Variants in OSBPL10 observed in about 807,000 individuals in gnomAD.
The protein encoded by OSBPL10 is oxysterol binding protein like 10, also known as oxysterol-binding protein-related protein 10.
A neutral mutation model predicts 81.7 loss-of-function variants in OSBPL10; 49 were observed. The observed-to-expected ratio is 0.60, with a 90% confidence interval of 0.48 to 0.76. The LOEUF (loss-of-function observed/expected upper bound fraction) is 0.76. Among genes scored for constraint, OSBPL10 ranks in the 30% least tolerant of loss-of-function variants. The probability of loss-of-function intolerance (pLI) is 0.00; values close to 1 mark genes in which losing one functional copy is unlikely to be tolerated. For missense variants in OSBPL10, 923 were observed against 987.8 expected (o/e 0.93, Z 0.88); for synonymous variants, 419 against 383.6 (o/e 1.09, Z -1.08).
chr3:31,846,703 CAT>C (rs2125566053), intron 3 of OSBPL10, among the ~76,000 whole-genome samples: 1 of 152,270 alleles, frequency 6.6e-6, no homozygotes, highest in South Asian at 2.1e-4. Context: ...CTAGTGGCCA[CAT>C]ATAAACATAT....
chr3:31,694,897 G>A lies in OSBPL10; in HGVS notation c.1245+7462C>T, dbSNP rs987708032. 4.6e-5 allele frequency among the ~76,000 whole-genome samples: 7 copies of A among 152,288 alleles called. 2 individuals are homozygous for A. Among genetic ancestry groups the A allele is most frequent in the Admixed American group, 2.0e-4 (3 of 15,298 alleles). On this transcript the variant is annotated intron_variant, in intron 7 of 11. Transcript: ENST00000396556. ...AGCCTCCCAAGTAGCTGGGATTACA[G>A]GCATGTGCCACCATGCCCAGCTAAT...
At chr3:31,749,444 T>C (rs1697646293) in intron 4 of OSBPL10, among the ~76,000 whole-genome samples, 2 of 152,256 alleles carry the variant, frequency 1.3e-5, no homozygotes, top group Non-Finnish European at 1.5e-5. Context: ...AGGATCTACC[T>C]AGCCATTCTG....
chr3:31,938,579 G>T (rs1697447908), intron 1 of OSBPL10, among the ~76,000 whole-genome samples: 1 of 152,080 alleles, frequency 6.6e-6, no homozygotes. Context: ...TGCGATCATG[G>T]CTCACTGCAG....
intron 4 of OSBPL10, among the ~76,000 whole-genome samples, chr3:31,813,925 A>C (rs1224274396): frequency 6.6e-6 from 1 of 152,248 alleles, no homozygotes; most frequent in African/African-American, 2.4e-5. Context: ...GTCCACGTGA[A>C]GAACCACACA....
chr3:31,677,647 G>A (rs908068975), intron 8 of OSBPL10, among the ~76,000 whole-genome samples: 16 of 152,130 alleles, frequency 1.1e-4, no homozygotes, highest in African/African-American at 1.9e-4. Context: ...TCTCACCCAC[G>A]ACACTGTGGT....
intron 1 of OSBPL10, among the ~76,000 whole-genome samples, chr3:31,919,154 T>C (rs1696841411): frequency 6.6e-6 from 1 of 152,234 alleles, no homozygotes; most frequent in Admixed American, 6.5e-5. Context: ...TGTGTCCTCC[T>C]GCCCTCAGGT....
chr3:31,741,771 T>A (rs970437318), intron 5 of OSBPL10, among the ~76,000 whole-genome samples: 1 of 152,224 alleles, frequency 6.6e-6, no homozygotes, highest in Non-Finnish European at 1.5e-5. Flanking sequence ...TCACATGTTG[T>A]GGGAGAGACC....
chr3:31,672,085 AC>A (rs11335502), intron 8 of OSBPL10, among the ~76,000 whole-genome samples: 74,553 of 151,480 alleles, frequency 0.49, 21,139 homozygotes, highest in African/African-American at 0.78. Context: ...GTGGTTAGCG[AC>A]CGGCACCTTC....
chr3:32,013,751 G>T (rs954366506), intron 2 of OSBPL10, among the ~76,000 whole-genome samples: 2 of 152,164 alleles, frequency 1.3e-5, no homozygotes, highest in East Asian at 3.8e-4. Context: ...AATAAAAAAT[G>T]ATAAAGTGGA....
At position 31,786,846 on chromosome 3, in the gene OSBPL10, A is replaced by G. The variant is rs368792852; in HGVS notation, c.730-38726T>C. The stretch of plus-strand genomic sequence containing the variant: ...AGGTAACTCTCAGTTACTACGAGCT[A>G]GACTTTTGTAGATATGAGCAGCATG... On this transcript the variant is annotated intron_variant, in intron 4 of 11. Coordinates refer to ENST00000396556, the MANE Select transcript of OSBPL10 (RefSeq NM_017784.5). 2.6e-4 allele frequency among the ~76,000 whole-genome samples: 39 copies of G among 152,330 alleles called. No homozygotes were observed. The South Asian group carries it at 6.2e-3, about 24-fold the overall frequency.
intron 1 of OSBPL10, among the ~76,000 whole-genome samples, chr3:31,942,919 T>C (rs1697579128): frequency 6.6e-6 from 1 of 152,244 alleles, no homozygotes; most frequent in East Asian, 1.9e-4. Context: ...GTATTCACAA[T>C]TGTTATGCAA....
chr3:31,816,239 T>TATGAC (rs1236211339), intron 4 of OSBPL10, among the ~76,000 whole-genome samples: 6 of 152,196 alleles, frequency 3.9e-5, no homozygotes, highest in African/African-American at 1.4e-4. Flanking sequence ...GGTGAATTCC[T>TATGAC]ATGACAACTG....
chr3:31,980,816 C>G, intron 1 of OSBPL10, 83 bp downstream of exon 1: 1 of 1,416,666 alleles, frequency 7.1e-7, no homozygotes, highest in Non-Finnish European at 9.2e-7. Flanking sequence ...CACACACATA[C>G]ACAGACACAC....
chr3:31,722,127 A>C (rs1231915782), intron 6 of OSBPL10, among the ~76,000 whole-genome samples: 1 of 152,150 alleles, frequency 6.6e-6, no homozygotes, highest in Non-Finnish European at 1.5e-5. Flanking sequence ...CACCCCCTCA[A>C]AATACCCTTG....
At chr3:31,698,345 G>A (rs1472811442) in intron 7 of OSBPL10, among the ~76,000 whole-genome samples, 2 of 152,024 alleles carry the variant, frequency 1.3e-5, no homozygotes, top group Non-Finnish European at 2.9e-5. Flanking sequence ...CAGCTATTTG[G>A]GAGGCTGAGG....
At chr3:31,717,926 T>TG (rs1559431570) in intron 6 of OSBPL10, among the ~76,000 whole-genome samples, 1 of 152,226 alleles carries the variant, frequency 6.6e-6, no homozygotes, top group African/African-American at 2.4e-5. Context: ...GTGAGACAGC[T>TG]GTAATCATCC....
chr3:31,869,588 G>A (rs796979963), intron 3 of OSBPL10, among the ~76,000 whole-genome samples: 4 of 152,258 alleles, frequency 2.6e-5, no homozygotes, highest in African/African-American at 9.6e-5. Flanking sequence ...TGTTTCCTCT[G>A]CAATATATGA....
intron 4 of OSBPL10, among the ~76,000 whole-genome samples, chr3:31,813,438 T>G (rs1401379827): frequency 2.0e-5 from 3 of 152,140 alleles, no homozygotes; most frequent in African/African-American, 7.3e-5. Flanking sequence ...GAGGCAGTTT[T>G]GGTTTTTTTG....
At chr3:31,763,024 C>G (rs946660426) in intron 4 of OSBPL10, among the ~76,000 whole-genome samples, 4 of 152,130 alleles carry the variant, frequency 2.6e-5, no homozygotes, top group African/African-American at 9.7e-5. Context: ...GCAAGCTGGC[C>G]TATCCACCCG....
Sources: gnomAD v4.1 joint callset for allele counts (sites outside exome capture counted in the v4.1 genomes callset) on GRCh38, gnomAD v4.1.1 for gene constraint, MANE v1.5 for transcripts, NCBI Gene and HGNC (gene_info 2026-07-23, HGNC 2026-07-21) for gene names.